The following ODAD3 variants were observed in gnomAD, a reference collection of about 807,000 sequenced individuals.
ODAD3 encodes the protein outer dynein arm docking complex subunit 3, also known as outer dynein arm-docking complex subunit 3.
Under a neutral mutation model 70.9 loss-of-function variants are expected in ODAD3, and 57 were observed. The ratio of observed to expected loss-of-function variants is 0.80; its 90% CI spans 0.65 to 1.00. The LOEUF is 1.00. Among genes scored for constraint, ODAD3 ranks in the 50% least tolerant of loss-of-function variants. ODAD3 has a pLI of 0.00. For synonymous variants in ODAD3, 327 were observed against 315.9 expected (o/e 1.04, Z -0.37); for missense variants, 797 against 763.9 (o/e 1.04, Z -0.51).
chr19:11,425,148 T>A (rs532731065), intron 7 of ODAD3, among the ~76,000 whole-genome samples: 1 of 134,180 alleles, frequency 7.5e-6, no homozygotes, highest in Non-Finnish European at 1.5e-5. Context: ...TATATGTACA[T>A]ATGTATATAT....
chr19:11,422,616 A>G lies in ODAD3; in HGVS notation c.1289T>C (p.Leu430Pro). The change falls in exon 10 of 13, where the codon CTG becomes CCG. Residue 430 changes from leucine (L) to proline (P), a missense_variant. Transcript: ENST00000356392. This position sits in a 1 kb window ranked among gnomAD's most constrained non-coding sequence, Gnocchi z 4.6. ...GEATLVSQQK[L>P]QAEAQERLKK... ...GAGACGCTCCTGCGCCTCGGCTTGCAGTTTCTGCTGGCTGCAGGGAGCCGG... is the reference window on the plus strand; with the variant it reads ...GAGACGCTCCTGCGCCTCGGCTTGCGGTTTCTGCTGGCTGCAGGGAGCCGG... The G allele has an allele frequency of 6.3e-7, 1 of 1,599,900 alleles. No homozygotes were observed. Among genetic ancestry groups the G allele is most frequent in the Non-Finnish European group, 8.5e-7 (1 of 1,175,464 alleles).
In ODAD3 at chr19:11,424,998, T is replaced by C. The variant is rs902013576; in HGVS notation, c.964-969A>G. Among the ~76,000 whole-genome samples, 58 of 127,410 alleles carry C rather than the reference T, an allele frequency of 4.6e-4. 2 individuals carry two copies. The highest frequency in any genetic ancestry group is 8.1e-4 in the Admixed American group (11 of 13,626). The allele number at this position is 127,410 out of a possible 152,430, so 83.6% of individuals were successfully genotyped here. On this transcript the variant is annotated intron_variant, in intron 7 of 12. Transcript: ENST00000356392. Reference sequence around the variant, plus strand: ...ATATATGTGTATATGTACATATGTGTATATGTATATATGTGTATATATACA... The same window carrying C: ...ATATATGTGTATATGTACATATGTGCATATGTATATATGTGTATATATACA...
chr19:11,424,011 G>T lies in ODAD3; in HGVS notation c.982C>A (p.Leu328Met). The change falls in exon 8 of 13, where the codon CTG becomes ATG. Residue 328 changes from leucine to methionine, a missense_variant. Coordinates refer to ENST00000356392, the MANE Select transcript of ODAD3 (RefSeq NM_145045.5). ...TGGATGGTGTCGTCGGACTGTAGCAGCAGGTGCTCGCGGTGGGTCTGCTCG... is the reference window on the plus strand; with the variant it reads ...TGGATGGTGTCGTCGGACTGTAGCATCAGGTGCTCGCGGTGGGTCTGCTCG... The part of the protein sequence containing the change: ...MERKTHREHL[L>M]LQSDDTIQDS... 1 of 1,610,506 alleles carries T rather than the reference G, an allele frequency of 6.2e-7. No individual in the cohort carries two copies. The highest frequency in any genetic ancestry group is 1.7e-4 in the Middle Eastern group (1 of 6,058).
intron 1 of ODAD3, 88 bp downstream of exon 1, chr19:11,434,685 C>G: frequency 6.7e-7 from 1 of 1,498,934 alleles, no homozygotes; most frequent in Non-Finnish European, 9.0e-7. Flanking sequence ...TACCTAGACT[C>G]ATGCTGGAGA....
At chr19:11,427,088 G>A (rs1435923299) in intron 3 of ODAD3, 48 bp from the exon 4 acceptor site, 5 of 1,496,368 alleles carry the variant, frequency 3.3e-6, no homozygotes, top group South Asian at 2.5e-5. Flanking sequence ...ACCCTACCCC[G>A]ACACACACCT....
chr19:11,435,612 C>CG (rs1487294387), upstream of ODAD3: 30 of 1,100,598 alleles, frequency 2.7e-5, no homozygotes, highest in African/African-American at 3.1e-4. Context: ...CCGGAAGTGA[C>CG]GGGGTCCAGA....
upstream of ODAD3, chr19:11,435,320 C>T (rs1010249656): frequency 7.1e-6 from 5 of 703,650 alleles, no homozygotes; most frequent in African/African-American, 9.0e-5. Flanking sequence ...GGTCTGGACA[C>T]TTTGGGGTCA....
chr19:11,425,371 ATATATGTGTG>A (rs1259492657), intron 7 of ODAD3, among the ~76,000 whole-genome samples: 1 of 132,874 alleles, frequency 7.5e-6, no homozygotes, highest in Admixed American at 7.3e-5. Flanking sequence ...ACATATGTGT[ATATATGTGTG>A]TATGTACATA....
chr19:11,433,789 C>T (rs1312508296), intron 1 of ODAD3, among the ~76,000 whole-genome samples: 1 of 151,966 alleles, frequency 6.6e-6, no homozygotes, highest in African/African-American at 2.4e-5. Flanking sequence ...TAGCCAAGCA[C>T]AGTGGTGTAT....
In ODAD3 at chr19:11,425,323, A is replaced by G. The variant is rs867361632; in HGVS notation, c.963+821T>C. Among the ~76,000 whole-genome samples the G allele has an allele frequency of 5.5e-3, 716 of 129,682 alleles. 30 individuals are homozygous for G. The highest frequency in any genetic ancestry group is 7.9e-3 in the Non-Finnish European group (512 of 64,516). The allele number at this position is 129,682 out of a possible 152,430, so 85.1% of individuals were successfully genotyped here. ...TATGTGTATGTGTACATATGTGTAT[A>G]TGTACATATGTGTATATATGTATAT... On this transcript the variant is annotated intron_variant, in intron 7 of 12. Coordinates refer to ENST00000356392, the MANE Select transcript of ODAD3 (RefSeq NM_145045.5).
chr19:11,432,335 A>G (rs1969520414), intron 1 of ODAD3, among the ~76,000 whole-genome samples: 2 of 152,066 alleles, frequency 1.3e-5, no homozygotes, highest in Admixed American at 1.3e-4. Flanking sequence ...TGAAGCCTCA[A>G]CCTCCTGAGC....
rs1353326367 is a variant in ODAD3, at chr19:11,425,199, GTA to G, written c.963+943_963+944del. Among the ~76,000 whole-genome samples the G allele has an allele frequency of 1.2e-4, 16 of 137,512 alleles. 2 individuals are homozygous for G. Among genetic ancestry groups the G allele is most frequent in the African/African-American group, 1.2e-4 (4 of 33,080 alleles). 90.2% of individuals were successfully genotyped at this position (137,512 alleles called of 152,430 possible). On this transcript the variant is annotated intron_variant, in intron 7 of 12. Transcript: ENST00000356392. ...TACATATGTGTATATATACATATGT[GTA>G]TGTGTACATATGTGTATATATGTGT...
chr19:11,425,056 T>C (rs184404698), intron 7 of ODAD3, among the ~76,000 whole-genome samples: 5 of 121,118 alleles, frequency 4.1e-5, no homozygotes, highest in East Asian at 2.4e-4. Flanking sequence ...TATATATGTG[T>C]ATATGTGTAT....
At chr19:11,423,824 C>A in intron 8 of ODAD3, 53 bp downstream of exon 8, 1 of 1,524,710 alleles carries the variant, frequency 6.6e-7, no homozygotes, top group Non-Finnish European at 8.8e-7. Flanking sequence ...ACCCCTGGGG[C>A]CCGTCTGGGG....
At chr19:11,429,065 G>T (rs562357348) in intron 3 of ODAD3, among the ~76,000 whole-genome samples, 1 of 148,196 alleles carries the variant, frequency 6.7e-6, no homozygotes, top group East Asian at 2.0e-4. Flanking sequence ...TTTTAGTAGA[G>T]ACGGGGTTTC....
chr19:11,426,655 A>T, intron 5 of ODAD3, 28 bp downstream of exon 5: 1 of 1,613,428 alleles, frequency 6.2e-7, no homozygotes, highest in Non-Finnish European at 8.5e-7. Context: ...CCTGTTTGTC[A>T]TCTCACCCGA....
chr19:11,435,549 G>C (rs562271447), upstream of ODAD3: 1 of 598,246 alleles, frequency 1.7e-6, no homozygotes, highest in Non-Finnish European at 2.7e-6. Flanking sequence ...CCCCACTCCT[G>C]CCTCTCCCAA....
At chr19:11,421,254 CA>C in intron 11 of ODAD3, 42 bp from the exon 12 acceptor site, 2 of 1,567,152 alleles carry the variant, frequency 1.3e-6, no homozygotes, top group Non-Finnish European at 1.7e-6. Context: ...TGGGCGGGGC[CA>C]GGGGCCACCG....
At chr19:11,426,121 C>G in intron 7 of ODAD3, 23 bp downstream of exon 7, 11 of 1,596,862 alleles carry the variant, frequency 6.9e-6, no homozygotes, top group Non-Finnish European at 8.5e-6. Flanking sequence ...GAGTCACAGG[C>G]GCGCACCCCT....
Sources: gnomAD v4.1 joint callset for allele counts (sites outside exome capture counted in the v4.1 genomes callset) on GRCh38, gnomAD v4.1.1 for gene constraint, Gnocchi (gnomAD v3.1) non-coding constraint, MANE v1.5 for transcripts, NCBI Gene and HGNC (gene_info 2026-07-23, HGNC 2026-07-21) for gene names.